ZNF561: variants seen among roughly 807,000 people sequenced by gnomAD.
The protein encoded by ZNF561 is zinc finger protein 561.
ZNF561 carries 16 observed loss-of-function variants against 16.7 expected under a neutral mutation model. That is an observed-to-expected ratio of 0.96 (90% CI 0.65 to 1.45). The LOEUF (loss-of-function observed/expected upper bound fraction) is 1.45, where lower values mean the gene tolerates loss of function less well. ZNF561 is among the 40% of genes most tolerant of loss of function. The pLI is 0.00. For missense variants in ZNF561, 580 were observed against 578.0 expected, an observed-to-expected ratio of 1.00 and a Z score of -0.04; for synonymous variants, 190 against 192.1, an observed-to-expected ratio of 0.99 and a Z score of 0.09.
chr19:9,619,849 A>ATATT (rs1479935562), intron 1 of ZNF561, among the ~76,000 whole-genome samples: 5 of 91,228 alleles, frequency 5.5e-5, no homozygotes, highest in East Asian at 3.9e-4. Flanking sequence ...CTATCTATCT[A>ATATT]TATCTATCTA....
chr19:9,619,634 T>C, intron 1 of ZNF561, 52 bp from the exon 2 acceptor site: 1 of 516,822 alleles, frequency 1.9e-6, no homozygotes, highest in Non-Finnish European at 3.3e-6. Context: ...TCATCAAACA[T>C]TATGCCTGAG....
intron 4 of ZNF561, among the ~76,000 whole-genome samples, chr19:9,615,672 G>A (rs139623358): frequency 0.028 from 4,278 of 151,752 alleles, 80 homozygotes; most frequent in Non-Finnish European, 0.042. Flanking sequence ...CTGGGAGGCC[G>A]AGGTGGGTGG....
At chr19:9,613,527 C>A (rs1260651025) in intron 5 of ZNF561, among the ~76,000 whole-genome samples, 3 of 151,786 alleles carry the variant, frequency 2.0e-5, no homozygotes, top group East Asian at 3.9e-4. Context: ...AGTTTCTTTT[C>A]TTTATTTCTG....
intron 1 of ZNF561, among the ~76,000 whole-genome samples, chr19:9,620,241 T>C (rs539948250): frequency 6.6e-6 from 1 of 152,278 alleles, no homozygotes; most frequent in African/African-American, 2.4e-5. Flanking sequence ...AGGTATGCAC[T>C]ACCATGCCTG....
Position 9,614,011 on chromosome 19 carries a change from T to A in ZNF561, c.324+10A>T. The A allele has an allele frequency of 6.2e-7, 1 of 1,612,544 alleles. No homozygotes were observed. Among genetic ancestry groups the A allele is most frequent in the Non-Finnish European group, 8.5e-7 (1 of 1,179,358 alleles). On this transcript the variant is annotated intron_variant, in intron 5 of 5. Transcript: ENST00000302851. ...AGAGGAAATTAAGAAATATCCCTCA[T>A]GAATCTTACCATTTGTATCCCACTG...
Position 9,610,336 on chromosome 19 carries a change from G to T in ZNF561, c.1325C>A (p.Thr442Asn), listed in dbSNP as rs1338815527. Residue 442 changes from threonine to asparagine, a missense_variant, in exon 6 of 6, where the codon ACT becomes AAT. Thr to Asn is a moderately conservative substitution (Grantham distance 65). Transcript: ENST00000302851. Reference protein sequence around the residue: ...YSSRLNVHLRTHTGEKPFVCK... With the variant: ...YSSRLNVHLRNHTGEKPFVCK... ...TACGAAGGGTTTCTCTCCGGTATGAGTTCGCAGGTGAACATTAAGGCGTGA... is the reference window on the plus strand; with the variant it reads ...TACGAAGGGTTTCTCTCCGGTATGATTTCGCAGGTGAACATTAAGGCGTGA... 6 of 1,614,042 alleles carry T rather than the reference G, an allele frequency of 3.7e-6. No homozygotes were observed. The highest frequency in any genetic ancestry group is 2.7e-5 in the African/African-American group (2 of 74,926).
At chr19:9,618,705 G>A (rs2074603827) in intron 2 of ZNF561, among the ~76,000 whole-genome samples, 1 of 151,386 alleles carries the variant, frequency 6.6e-6, no homozygotes, top group South Asian at 2.1e-4. Flanking sequence ...TAGCCTGGGT[G>A]ACAGAGCAAG....
intron 3 of ZNF561, 178 bp downstream of exon 3, chr19:9,617,913 T>C (rs2074587114): frequency 3.1e-6 from 2 of 641,764 alleles, no homozygotes; most frequent in East Asian, 3.2e-5. Flanking sequence ...GATTTTCAAG[T>C]TAACATTTTA....
chr19:9,617,588 C>G (rs1254929013), intron 3 of ZNF561: 2 of 444,144 alleles, frequency 4.5e-6, no homozygotes, highest in Non-Finnish European at 9.1e-6. Context: ...ATTACTACAG[C>G]TTCGATCTCC....
chr19:9,619,396 C>G (rs373863404), intron 2 of ZNF561, 36 bp downstream of exon 2: 2 of 1,610,098 alleles, frequency 1.2e-6, no homozygotes, highest in Non-Finnish European at 1.7e-6. Flanking sequence ...TGACCTAAAG[C>G]AGAATCTCTG....
chr19:9,617,446 AATTTT>A lies in ZNF561; in HGVS notation c.115-280_115-276del, dbSNP rs2074576219. On this transcript the variant is annotated intron_variant, in intron 3 of 5. Transcript: ENST00000302851. ...TTAATATTTGTATTTTTAAATTTTA[AATTTT>A]ATTTTTATTTTGATTAGAACAGTAC... 11 of 493,362 alleles carry A rather than the reference AATTTT, an allele frequency of 2.2e-5. No individual in the cohort carries two copies. In the South Asian group the frequency reaches 9.0e-4, roughly 40 times the overall value. 30.6% of individuals were successfully genotyped at this position (493,362 alleles called of 1,614,324 possible).
At chr19:9,620,472 T>C (rs761313238) in intron 1 of ZNF561, among the ~76,000 whole-genome samples, 1 of 152,146 alleles carries the variant, frequency 6.6e-6, no homozygotes, top group Non-Finnish European at 1.5e-5. Flanking sequence ...ACAATCCTCC[T>C]GACTTGGCCT....
At position 9,619,528 on chromosome 19, in the gene ZNF561, A is replaced by C. The variant is rs1288189871; in HGVS notation, c.-72T>G. On this transcript the variant is annotated 5_prime_UTR_variant, in exon 2 of 6. Coordinates refer to ENST00000302851, the MANE Select transcript of ZNF561 (RefSeq NM_152289.3). Reference sequence around the variant, plus strand: ...AAGATCACCTCAGGCCAGCTTATGAATCTAGGTGGATAGAGGCAATCTCCA... The same window carrying C: ...AAGATCACCTCAGGCCAGCTTATGACTCTAGGTGGATAGAGGCAATCTCCA... 1.9e-6 allele frequency: 3 copies of C among 1,539,180 alleles called. No homozygotes were observed. Among genetic ancestry groups the C allele is most frequent in the Non-Finnish European group, 2.7e-6 (3 of 1,116,610 alleles).
rs927723318 is a variant in ZNF561 at position 9,620,625 on chromosome 19, AC to A, written c.-127+536del. On this transcript the variant is annotated intron_variant, in intron 1 of 5. Transcript: ENST00000302851. ...AGCCTGATCTCCTGTATATGGTGTT[AC>A]CCCCCCGCCATATGACCAGAAGACA... Among the ~76,000 whole-genome samples the A allele has an allele frequency of 8.6e-5, 13 of 151,316 alleles. No homozygotes were observed. In the East Asian group the frequency reaches 1.8e-3, roughly 20 times the overall value.
At chr19:9,617,668 T>C (rs898624606) in intron 3 of ZNF561, 4 of 457,074 alleles carry the variant, frequency 8.8e-6, no homozygotes, top group Non-Finnish European at 1.8e-5. Context: ...CACTGCACAC[T>C]GCTTACGCTT....
At position 9,619,913 on chromosome 19, in the gene ZNF561, A is replaced by ATCC. The variant is rs1329201491; in HGVS notation, c.-126-332_-126-331insGGA. Among the ~76,000 whole-genome samples, 10 of 98,028 alleles carry ATCC rather than the reference A, an allele frequency of 1.0e-4. 1 individual carries two copies. Among genetic ancestry groups the ATCC allele is most frequent in the African/African-American group, 4.6e-4 (8 of 17,250 alleles). The allele number at this position is 98,028 out of a possible 152,430, so 64.3% of individuals were successfully genotyped here. Reference sequence around the variant, plus strand: ...TATATCTATCTATATCTATCTATCTATATCTATCCTATCTATCTATCTATC... The same window carrying ATCC: ...TATATCTATCTATATCTATCTATCTATCCTATCTATCCTATCTATCTATCTATC... On this transcript the variant is annotated intron_variant, in intron 1 of 5. Transcript: ENST00000302851.
intron 5 of ZNF561, 125 bp downstream of exon 5, chr19:9,613,896 T>C: frequency 8.5e-7 from 1 of 1,175,888 alleles, no homozygotes; most frequent in Non-Finnish European, 1.2e-6. Flanking sequence ...AGACCCCCAC[T>C]TCAGCCTCCC....
chr19:9,619,893 C>G (rs1265507969), intron 1 of ZNF561, among the ~76,000 whole-genome samples: 1 of 145,760 alleles, frequency 6.9e-6, no homozygotes, highest in Non-Finnish European at 1.5e-5. Flanking sequence ...ATCTATATAT[C>G]TATCTATATC....
Position 9,618,108 on chromosome 19 carries a change from G to A in ZNF561, c.97C>T (p.Leu33=), listed in dbSNP as rs747340823. The A allele has an allele frequency of 1.0e-4, 160 of 1,551,060 alleles. No homozygotes were observed. Among genetic ancestry groups the A allele is most frequent in the Admixed American group, 2.0e-4 (10 of 50,968 alleles). Residue 33 remains leucine, a synonymous_variant, in exon 3 of 6, where the codon CTG becomes TTG. Transcript: ENST00000302851. ...TKVERMVEDY[L]ASGYQDSVTF... is the part of the protein sequence containing the mutation. Reference sequence around the variant, plus strand: ...CTGCTTACCTGATAACCACTTGCCAGGTAGTCCTCCACCATCCTTTCTACC... The same window carrying A: ...CTGCTTACCTGATAACCACTTGCCAAGTAGTCCTCCACCATCCTTTCTACC...
Sources: gnomAD v4.1 joint callset for allele counts (sites outside exome capture counted in the v4.1 genomes callset) on GRCh38, gnomAD v4.1.1 for gene constraint, MANE v1.5 for transcripts, NCBI Gene and HGNC (gene_info 2026-07-23, HGNC 2026-07-21) for gene names.